The following COL24A1 variants were observed in gnomAD, a reference collection of about 807,000 sequenced individuals.
The protein encoded by COL24A1 is collagen type XXIV alpha 1 chain.
In COL24A1, 224 loss-of-function variants were observed where a neutral mutation model predicts 253.9. The ratio of observed to expected loss-of-function variants is 0.88; its 90% CI spans 0.79 to 0.99. COL24A1 has a LOEUF of 0.99. Ranked by LOEUF, COL24A1 falls within the 50% of genes least tolerant of loss-of-function variation. COL24A1 has a pLI of 0.00. For synonymous variants in COL24A1, 685 were observed against 673.7 expected (o/e 1.02, Z -0.26); for missense variants, 2,131 against 2,068.5 (o/e 1.03, Z -0.59).
chr1:85,825,625 G>C (rs1248905196), intron 43 of COL24A1, among the ~76,000 whole-genome samples: 1 of 150,758 alleles, frequency 6.6e-6, no homozygotes, highest in African/African-American at 2.5e-5. Context: ...TCTAACTGGT[G>C]TGAGATGGTA....
At chr1:85,925,988 A>G (rs1687153492) in intron 24 of COL24A1, among the ~76,000 whole-genome samples, 1 of 152,206 alleles carries the variant, frequency 6.6e-6, no homozygotes, top group African/African-American at 2.4e-5. Context: ...AAAAAAACAA[A>G]CAACCCCATC....
At chr1:86,146,647 T>C (rs1651922516) in intron 1 of COL24A1, among the ~76,000 whole-genome samples, 1 of 151,994 alleles carries the variant, frequency 6.6e-6, no homozygotes, top group African/African-American at 2.4e-5. Flanking sequence ...TATAAGTTAA[T>C]GGAACCAGCT....
At chr1:85,900,609 A>G (rs535064607) in intron 28 of COL24A1, among the ~76,000 whole-genome samples, 24 of 152,292 alleles carry the variant, frequency 1.6e-4, no homozygotes, top group African/African-American at 5.5e-4. Flanking sequence ...ACTGCACTCC[A>G]GCCTGGGTGA....
At chr1:85,996,110 C>G (rs1030229527) in intron 19 of COL24A1, among the ~76,000 whole-genome samples, 2 of 151,986 alleles carry the variant, frequency 1.3e-5, no homozygotes, top group African/African-American at 4.8e-5. Flanking sequence ...TTAACTATAC[C>G]TCTATAAAGC....
At position 85,845,568 on chromosome 1, in the gene COL24A1, T is replaced by C. The variant is rs1200833177; in HGVS notation, c.3462+2097A>G. Among the ~76,000 whole-genome samples, 4 of 151,852 alleles carry C rather than the reference T, an allele frequency of 2.6e-5. 1 individual carries two copies. Among genetic ancestry groups the C allele is most frequent in the Non-Finnish European group, 4.4e-5 (3 of 67,772 alleles). On this transcript the variant is annotated intron_variant, in intron 39 of 59. Transcript: ENST00000370571. Reference sequence around the variant, plus strand: ...GCTATAGTAGAAGTTCTAATCAATGTAGTAATTCAGAGAAGCAAATAAGGG... The same window carrying C: ...GCTATAGTAGAAGTTCTAATCAATGCAGTAATTCAGAGAAGCAAATAAGGG...
At chr1:85,985,184 G>C (rs1693612705) in intron 20 of COL24A1, among the ~76,000 whole-genome samples, 2 of 151,682 alleles carry the variant, frequency 1.3e-5, no homozygotes, top group Admixed American at 6.6e-5. Context: ...TTAGATTTGG[G>C]AGGAACAGAA....
intron 19 of COL24A1, among the ~76,000 whole-genome samples, chr1:86,014,892 T>TC (rs1696856728): frequency 6.6e-6 from 1 of 152,072 alleles, no homozygotes; most frequent in Non-Finnish European, 1.5e-5. Context: ...CTTTTATCCT[T>TC]CCCCCTGCTG....
At chr1:85,782,335 G>T (rs899821358) in intron 51 of COL24A1, among the ~76,000 whole-genome samples, 5 of 152,268 alleles carry the variant, frequency 3.3e-5, no homozygotes, top group Admixed American at 2.6e-4. Flanking sequence ...CAATCCACCC[G>T]CCTTGGCCTC....
chr1:85,901,914 T>C (rs1267563456), intron 28 of COL24A1, among the ~76,000 whole-genome samples: 1 of 147,592 alleles, frequency 6.8e-6, no homozygotes, highest in Non-Finnish European at 1.5e-5. Context: ...AAATCACATA[T>C]CGAAGGGACT....
At chr1:86,090,753 C>A (rs1703436520) in intron 6 of COL24A1, among the ~76,000 whole-genome samples, 1 of 152,044 alleles carries the variant, frequency 6.6e-6, no homozygotes, top group Non-Finnish European at 1.5e-5. Context: ...TTGGATTTTA[C>A]TAAAGCTCTA....
chr1:86,103,131 T>C (rs1704622579), intron 5 of COL24A1, among the ~76,000 whole-genome samples: 1 of 152,228 alleles, frequency 6.6e-6, no homozygotes, highest in African/African-American at 2.4e-5. Context: ...TACCATTATA[T>C]AATGCCCTTC....
chr1:86,026,681 T>C (rs1340494260), intron 14 of COL24A1, among the ~76,000 whole-genome samples: 1 of 152,184 alleles, frequency 6.6e-6, no homozygotes, highest in Non-Finnish European at 1.5e-5. Context: ...GAACTGGCTA[T>C]TACAGTAAAC....
intron 43 of COL24A1, among the ~76,000 whole-genome samples, chr1:85,835,315 A>G (rs865902978): frequency 3.3e-4 from 50 of 152,212 alleles, no homozygotes; most frequent in Admixed American, 2.6e-3. Context: ...GTATTTTAGT[A>G]GAGATGGGGT....
At chr1:86,014,384 T>C (rs2101190126) in intron 19 of COL24A1, among the ~76,000 whole-genome samples, 1 of 152,326 alleles carries the variant, frequency 6.6e-6, no homozygotes, top group Middle Eastern at 3.4e-3. Flanking sequence ...CCAGGTGTAG[T>C]ATTTTTAAAC....
chr1:85,951,687 C>T (rs1172551516), intron 24 of COL24A1, among the ~76,000 whole-genome samples: 1 of 152,056 alleles, frequency 6.6e-6, no homozygotes, highest in African/African-American at 2.4e-5. Context: ...GTCCCATTCC[C>T]CTAGCATTTT....
Position 85,828,981 on chromosome 1 carries a change from T to G in COL24A1, c.3682-5243A>C, listed in dbSNP as rs200289189. Among the ~76,000 whole-genome samples, 159 of 152,038 alleles carry G rather than the reference T, an allele frequency of 1.0e-3. 2 individuals are homozygous for G. The East Asian group carries it at 0.024, about 23-fold the overall frequency. On this transcript the variant is annotated intron_variant, in intron 43 of 59. Transcript: ENST00000370571. ...TCCTGTCATTATGCTGTTAGCTGGTTATTTTGCTCGTTAGTTGATGCAGTT... is the reference window on the plus strand; with the variant it reads ...TCCTGTCATTATGCTGTTAGCTGGTGATTTTGCTCGTTAGTTGATGCAGTT...
chr1:86,110,595 G>A (rs541771846), intron 5 of COL24A1, among the ~76,000 whole-genome samples: 50 of 152,064 alleles, frequency 3.3e-4, no homozygotes, highest in African/African-American at 1.2e-3. Flanking sequence ...TGCGTGCGGC[G>A]CTCGCGAGCG....
chr1:86,129,162 T>C (rs571184086), intron 2 of COL24A1, among the ~76,000 whole-genome samples: 5 of 151,804 alleles, frequency 3.3e-5, no homozygotes, highest in Non-Finnish European at 5.9e-5. Context: ...CTTGAGACAA[T>C]TTTAGAAATT....
In COL24A1 at chr1:86,110,360, A is replaced by G. The variant is rs78073329; in HGVS notation, c.1599+2207T>C. Among the ~76,000 whole-genome samples the G allele has an allele frequency of 5.6e-3, 857 of 151,942 alleles. 13 individuals carry two copies. Among genetic ancestry groups the G allele is most frequent in the African/African-American group, 0.019 (808 of 41,466 alleles). On this transcript the variant is annotated intron_variant, in intron 5 of 59. Coordinates refer to ENST00000370571, the MANE Select transcript of COL24A1 (RefSeq NM_152890.7). Reference sequence around the variant, plus strand: ...CCATACGTTTTCCTATGTTCTTACTATTTATCACACTGTTATCTATCATAT... The same window carrying G: ...CCATACGTTTTCCTATGTTCTTACTGTTTATCACACTGTTATCTATCATAT...
Sources: gnomAD v4.1 joint callset for allele counts (sites outside exome capture counted in the v4.1 genomes callset) on GRCh38, gnomAD v4.1.1 for gene constraint, MANE v1.5 for transcripts, NCBI Gene and HGNC (gene_info 2026-07-23, HGNC 2026-07-21) for gene names.